The following STXBP4 variants were observed in gnomAD, a reference collection of about 807,000 sequenced individuals.
STXBP4 encodes syntaxin binding protein 4.
In STXBP4, 55 loss-of-function variants were observed where a neutral mutation model predicts 76.1. The observed-to-expected ratio is 0.72, with a 90% CI of 0.58 to 0.91. The LOEUF is 0.91. Among genes scored for constraint, STXBP4 ranks in the 40% least tolerant of loss-of-function variants. The pLI is 0.00. For missense variants in STXBP4, 618 were observed against 636.9 expected, an observed-to-expected ratio of 0.97 and a Z score of 0.32; for synonymous variants, 201 against 220.2, an observed-to-expected ratio of 0.91 and a Z score of 0.77.
At position 55,000,868 on chromosome 17, in the gene STXBP4, G is replaced by A; in HGVS notation, c.559G>A (p.Gly187Ser). The change falls in exon 7 of 18, where the codon GGT (glycine) becomes AGT (serine). Residue 187 changes from glycine to serine, a missense_variant. Transcript: ENST00000376352. Reference sequence around the variant, plus strand: ...AATTACTTCAGAAAACAGTACTGTGGGTTTGTCTAATACAGGTAAATACAC... The same window carrying A: ...AATTACTTCAGAAAACAGTACTGTGAGTTTGTCTAATACAGGTAAATACAC... ...IPITSENSTV[G>S]LSNTDVASAW... The A allele has an allele frequency of 1.2e-6, 2 of 1,605,546 alleles. No individual in the cohort carries two copies. Among genetic ancestry groups the A allele is most frequent in the Non-Finnish European group, 1.7e-6 (2 of 1,173,108 alleles).
intron 16 of STXBP4, among the ~76,000 whole-genome samples, chr17:55,093,181 G>A (rs1381849132): frequency 6.6e-6 from 1 of 151,988 alleles, no homozygotes; most frequent in Non-Finnish European, 1.5e-5. Flanking sequence ...TCTTAGTAGA[G>A]ATGGGTTTTG....
At chr17:55,019,463 A>G (rs570990265) in intron 8 of STXBP4, among the ~76,000 whole-genome samples, 3 of 152,258 alleles carry the variant, frequency 2.0e-5, no homozygotes, top group African/African-American at 7.2e-5. Context: ...CAATTTGTAT[A>G]CCTGTAATTG....
intron 16 of STXBP4, among the ~76,000 whole-genome samples, chr17:55,140,826 A>G (rs1184871070): frequency 6.6e-6 from 1 of 152,156 alleles, no homozygotes; most frequent in African/African-American, 2.4e-5. Context: ...TTTCAAACTT[A>G]ATAAGGAATT....
Position 55,160,045 on chromosome 17 carries a change from CT to C in STXBP4, c.*137del. On this transcript the variant is annotated 3_prime_UTR_variant, in exon 18 of 18. Transcript: ENST00000376352. ...TGAAGTGTGAAATGGAGACTCTGGA[CT>C]TTGGGTATTTTTGTAAAACTTTTGA... 3.7e-6 allele frequency: 2 copies of C among 545,456 alleles called. No homozygotes were observed. Among genetic ancestry groups the C allele is most frequent in the South Asian group, 5.9e-5 (2 of 33,914 alleles). 33.8% of individuals were successfully genotyped at this position (545,456 alleles called of 1,614,324 possible).
At chr17:54,979,932 T>C (rs1360523685) in intron 1 of STXBP4, among the ~76,000 whole-genome samples, 1 of 152,224 alleles carries the variant, frequency 6.6e-6, no homozygotes, top group Non-Finnish European at 1.5e-5. Context: ...ATTAGGCTTT[T>C]GCTTACAAAG....
rs191761217 is a variant in STXBP4, at chr17:55,000,307, A to G, written c.498+465A>G. The G allele has an allele frequency of 1.6e-3, 1,514 of 967,478 alleles. 7 individuals are homozygous for G. In the South Asian group the frequency reaches 0.016, roughly 10 times the overall value. 59.9% of individuals were successfully genotyped at this position (967,478 alleles called of 1,614,324 possible). A position where few individuals can be genotyped will look rare whatever the true frequency, so the allele number is the denominator to read the frequency against. ...TGCATGCTATAGTTCACCCAAGTAG[A>G]ATCACACAAAATGGGGAATTTCTAT... On this transcript the variant is annotated intron_variant, in intron 6 of 17. Transcript: ENST00000376352.
intron 1 of STXBP4, among the ~76,000 whole-genome samples, chr17:54,979,848 T>C (rs1240783486): frequency 1.3e-5 from 2 of 152,186 alleles, no homozygotes; most frequent in Non-Finnish European, 2.9e-5. Context: ...AAAAAGACAT[T>C]AGAGCTCTTG....
chr17:55,131,139 T>G (rs2079969587), intron 16 of STXBP4, among the ~76,000 whole-genome samples: 1 of 152,234 alleles, frequency 6.6e-6, no homozygotes, highest in South Asian at 2.1e-4. Flanking sequence ...CCACCAACAG[T>G]GTACAAGGAT....
intron 11 of STXBP4, 121 bp from the exon 12 acceptor site, chr17:55,046,968 A>C (rs2078798496): frequency 1.8e-6 from 1 of 563,968 alleles, no homozygotes; most frequent in Admixed American, 3.5e-5. Context: ...GACTAGGAGC[A>C]ATATTTTCAG....
intron 8 of STXBP4, among the ~76,000 whole-genome samples, chr17:55,027,230 G>A (rs1267940108): frequency 6.6e-6 from 1 of 152,126 alleles, no homozygotes; most frequent in Non-Finnish European, 1.5e-5. Flanking sequence ...GTCAGAGCAC[G>A]GACTTGCCTG....
intron 16 of STXBP4, among the ~76,000 whole-genome samples, chr17:55,120,095 C>A (rs1355191909): frequency 6.6e-6 from 1 of 152,130 alleles, no homozygotes; most frequent in Non-Finnish European, 1.5e-5. Context: ...TAAAGGTGTT[C>A]TTCCCTTATT....
At position 54,980,874 on chromosome 17, in the gene STXBP4, C is replaced by G. The variant is rs183931119; in HGVS notation, c.-156-4740C>G. Among the ~76,000 whole-genome samples the G allele has an allele frequency of 4.1e-3, 631 of 152,240 alleles. 3 individuals are homozygous for G. The highest frequency in any genetic ancestry group is 0.017 in the Middle Eastern group (5 of 294). On this transcript the variant is annotated intron_variant, in intron 1 of 17. Coordinates refer to ENST00000376352, the MANE Select transcript of STXBP4 (RefSeq NM_178509.6). ...CCCATGGGCTGCATGTGGCCCAGGA[C>G]AACTTTAAATGTGTTCCAACACAAT...
At chr17:55,031,815 G>A (rs62078811) in intron 9 of STXBP4, among the ~76,000 whole-genome samples, 31,260 of 151,972 alleles carry the variant, frequency 0.21, 3,415 homozygotes, top group Middle Eastern at 0.34. Flanking sequence ...TGCAAATACT[G>A]TATTTTTTAT....
the STXBP4 span, among the ~76,000 whole-genome samples, chr17:55,208,609 A>AAGGAAGGAAGGAAGGAAG: frequency 0.055 from 1,520 of 27,728 alleles, 72 homozygotes; most frequent in African/African-American, 0.1. Context: ...AAGGAAGGAA[A>AAGGAAGGAAGGAAGGAAG]GAGAGAGGGA....
At chr17:55,203,245 G>T in the STXBP4 span, among the ~76,000 whole-genome samples, 2 of 152,134 alleles carry the variant, frequency 1.3e-5, no homozygotes, top group Non-Finnish European at 2.9e-5. Flanking sequence ...CCCCTGTGCT[G>T]AGGTAGATGT....
At chr17:55,004,768 C>T (rs1043855794) in intron 7 of STXBP4, among the ~76,000 whole-genome samples, 5 of 148,928 alleles carry the variant, frequency 3.4e-5, no homozygotes, top group Non-Finnish European at 5.9e-5. Flanking sequence ...GAGAAGGAGA[C>T]GGAGGGAGAA....
chr17:55,142,821 G>C (rs2080109407), intron 17 of STXBP4, among the ~76,000 whole-genome samples: 1 of 152,132 alleles, frequency 6.6e-6, no homozygotes, highest in South Asian at 2.1e-4. Context: ...ACATTTGAAA[G>C]AAAATGAACT....
intron 8 of STXBP4, among the ~76,000 whole-genome samples, chr17:55,019,836 A>G (rs530675264): frequency 2.9e-4 from 44 of 152,122 alleles, no homozygotes; most frequent in Admixed American, 9.8e-4. Context: ...TGTAGCTCTT[A>G]TTCTCATTTT....
the STXBP4 span, among the ~76,000 whole-genome samples, chr17:55,181,551 C>G: frequency 6.6e-6 from 1 of 152,116 alleles, no homozygotes; most frequent in Non-Finnish European, 1.5e-5. Context: ...ATAAGAAGCA[C>G]AGAGAAAGGG....
Sources: gnomAD v4.1 joint callset for allele counts (sites outside exome capture counted in the v4.1 genomes callset) on GRCh38, gnomAD v4.1.1 for gene constraint, MANE v1.5 for transcripts, NCBI Gene and HGNC (gene_info 2026-07-23, HGNC 2026-07-21) for gene names.